The following SLC1A1 variants were observed in gnomAD, a reference collection of about 807,000 sequenced individuals.
SLC1A1 encodes the protein solute carrier family 1 member 1.
A neutral mutation model predicts 53.3 loss-of-function variants in SLC1A1; 43 were observed. The observed-to-expected ratio is 0.81, with a 90% confidence interval of 0.63 to 1.04. The LOEUF (loss-of-function observed/expected upper bound fraction) is 1.04, where lower values mean the gene tolerates loss of function less well. Ranked by LOEUF, SLC1A1 falls within the 50% of genes least tolerant of loss-of-function variation. The probability of loss-of-function intolerance (pLI) is 0.00; values close to 1 mark genes in which losing one functional copy is unlikely to be tolerated. For missense variants in SLC1A1, 748 were observed against 664.9 expected (o/e 1.12, Z -1.37); for synonymous variants, 307 against 243.2 (o/e 1.26, Z -2.44).
intron 2 of SLC1A1, among the ~76,000 whole-genome samples, chr9:4,546,187 G>C (rs554679867): frequency 1.3e-5 from 2 of 152,246 alleles, no homozygotes; most frequent in Non-Finnish European, 2.9e-5. Flanking sequence ...TGGGAGCTTT[G>C]TCCTTAAATG....
intron 2 of SLC1A1, among the ~76,000 whole-genome samples, chr9:4,557,007 T>C (rs1818459450): frequency 6.6e-6 from 1 of 152,190 alleles, no homozygotes; most frequent in Non-Finnish European, 1.5e-5. Flanking sequence ...AAAAGTGTTC[T>C]CGTTGGCTGC....
chr9:4,535,290 T>C (rs2130861030), intron 1 of SLC1A1, among the ~76,000 whole-genome samples: 1 of 152,294 alleles, frequency 6.6e-6, no homozygotes, highest in Middle Eastern at 3.4e-3. Flanking sequence ...GAAGACATGA[T>C]TGTGTATCTA....
Position 4,576,058 on chromosome 9 carries a change from G to C in SLC1A1, c.933G>C (p.Lys311Asn), listed in dbSNP as rs761994896. 1 of 1,613,716 alleles carries C rather than the reference G, an allele frequency of 6.2e-7. No homozygotes were observed. ...LPLIYFIVVR[K>N]NPFRFAMGMA... ...TGATATATTTCATAGTCGTACGAAA[G>C]AACCCTTTCCGATTTGCCATGGGAA... Residue 311 changes from lysine to asparagine, a missense_variant, in exon 9 of 12, where the codon AAG becomes AAC. Physicochemically the swap from Lys to Asn is moderately conservative, Grantham distance 94 (BLOSUM62 0). Transcript: ENST00000262352.
chr9:4,531,980 C>A (rs1424043929), intron 1 of SLC1A1, among the ~76,000 whole-genome samples: 2 of 152,208 alleles, frequency 1.3e-5, no homozygotes, highest in African/African-American at 4.8e-5. Flanking sequence ...CTCCAACAGA[C>A]CTGCAGCTGA....
intron 1 of SLC1A1, among the ~76,000 whole-genome samples, chr9:4,524,762 G>A (rs1295555227): frequency 6.6e-6 from 1 of 152,114 alleles, no homozygotes; most frequent in East Asian, 1.9e-4. Flanking sequence ...GAAGATCAAA[G>A]GGGAAGCAGA....
chr9:4,500,457 GCCA>G (rs963857128), intron 1 of SLC1A1, among the ~76,000 whole-genome samples: 44 of 152,106 alleles, frequency 2.9e-4, no homozygotes, highest in Admixed American at 2.2e-3. Flanking sequence ...ACAGGTGCCT[GCCA>G]CCACAACTGG....
chr9:4,572,159 G>C (rs1205776196), intron 6 of SLC1A1, 45 bp from the exon 7 acceptor site: 4 of 1,527,906 alleles, frequency 2.6e-6, no homozygotes, highest in Middle Eastern at 1.7e-4. Flanking sequence ...TTTCTAACAA[G>C]ATTATAATCG....
At chr9:4,500,874 C>T (rs1243463282) in intron 1 of SLC1A1, among the ~76,000 whole-genome samples, 1 of 152,188 alleles carries the variant, frequency 6.6e-6, no homozygotes, top group Admixed American at 6.5e-5. Context: ...GGACAGATCT[C>T]ATCCCAGCTC....
intron 2 of SLC1A1, among the ~76,000 whole-genome samples, chr9:4,545,475 T>C (rs1275188817): frequency 6.6e-6 from 1 of 152,238 alleles, no homozygotes; most frequent in Non-Finnish European, 1.5e-5. Flanking sequence ...AAAATATAGT[T>C]GTCAATTTTG....
At chr9:4,582,262 T>G (rs1284154410) in intron 10 of SLC1A1, among the ~76,000 whole-genome samples, 1 of 152,216 alleles carries the variant, frequency 6.6e-6, no homozygotes, top group Non-Finnish European at 1.5e-5. Flanking sequence ...TCTTTTTAAA[T>G]ACCTGGTAAT....
At chr9:4,577,545 G>A (rs1418832571) in intron 10 of SLC1A1, among the ~76,000 whole-genome samples, 2 of 152,034 alleles carry the variant, frequency 1.3e-5, no homozygotes, top group Non-Finnish European at 2.9e-5. Context: ...GCACAATCTC[G>A]GCTCACCACA....
chr9:4,542,591 A>G (rs562163241), intron 1 of SLC1A1, among the ~76,000 whole-genome samples: 1 of 152,308 alleles, frequency 6.6e-6, no homozygotes, highest in East Asian at 1.9e-4. Context: ...TTTCTTTGAC[A>G]TACAAGCCAA....
chr9:4,563,972 G>C (rs577490409), intron 3 of SLC1A1, among the ~76,000 whole-genome samples: 1 of 152,114 alleles, frequency 6.6e-6, no homozygotes, highest in Non-Finnish European at 1.5e-5. Flanking sequence ...GCTAGAAAAT[G>C]GATCATCCTT....
chr9:4,543,888 A>G lies in SLC1A1; in HGVS notation c.92-679A>G, dbSNP rs573338107. ...CAAACTGATATGTAAACTATAAAAT[A>G]TGTAAAATAGCCAAGCATGGTGGTT... On this transcript the variant is annotated intron_variant, in intron 1 of 11. Transcript: ENST00000262352. Among the ~76,000 whole-genome samples, 6 of 152,276 alleles carry G rather than the reference A, an allele frequency of 3.9e-5. No individual in the cohort carries two copies. The South Asian group carries it at 1.2e-3, about 32-fold the overall frequency.
intron 1 of SLC1A1, among the ~76,000 whole-genome samples, chr9:4,542,975 A>G (rs1817147609): frequency 6.6e-6 from 1 of 152,206 alleles, no homozygotes; most frequent in Non-Finnish European, 1.5e-5. Context: ...CTACTGAATC[A>G]CCAGAAATGC....
intron 1 of SLC1A1, among the ~76,000 whole-genome samples, chr9:4,514,198 A>G (rs1457246733): frequency 1.3e-5 from 2 of 152,220 alleles, no homozygotes; most frequent in East Asian, 3.8e-4. Flanking sequence ...ACACATGTAC[A>G]CACACATACA....
intron 1 of SLC1A1, among the ~76,000 whole-genome samples, chr9:4,543,289 T>A (rs1053083671): frequency 6.6e-6 from 1 of 152,214 alleles, no homozygotes; most frequent in Non-Finnish European, 1.5e-5. Context: ...TTCTGCCACT[T>A]AGTCATTTTA....
chr9:4,532,233 A>G (rs1297657181), intron 1 of SLC1A1, among the ~76,000 whole-genome samples: 2 of 152,208 alleles, frequency 1.3e-5, no homozygotes, highest in Non-Finnish European at 2.9e-5. Flanking sequence ...ACGAGTTGAG[A>G]GAAGAAGGCT....
intron 1 of SLC1A1, among the ~76,000 whole-genome samples, chr9:4,541,691 C>T (rs1191569910): frequency 6.6e-6 from 1 of 152,208 alleles, no homozygotes; most frequent in South Asian, 2.1e-4. Context: ...GTTCCATAAT[C>T]ACATTCCCTT....
Sources: gnomAD v4.1 joint callset for allele counts (sites outside exome capture counted in the v4.1 genomes callset) on GRCh38, gnomAD v4.1.1 for gene constraint, MANE v1.5 for transcripts, NCBI Gene and HGNC (gene_info 2026-07-23, HGNC 2026-07-21) for gene names.